The following ROBO2 variants were observed in gnomAD, a reference collection of about 807,000 sequenced individuals.
ROBO2 encodes roundabout guidance receptor 2.
Under a neutral mutation model 160.8 loss-of-function variants are expected in ROBO2, and 53 were observed. The observed-to-expected ratio is 0.33, with a 90% CI of 0.26 to 0.41. The LOEUF (loss-of-function observed/expected upper bound fraction) is 0.41, where lower values mean the gene tolerates loss of function less well. Among genes scored for constraint, ROBO2 ranks in the 10% least tolerant of loss-of-function variants. The pLI is 1.00. For synonymous variants in ROBO2, 664 were observed against 611.7 expected (o/e 1.09, Z -1.26); for missense variants, 1,577 against 1,722.4 (o/e 0.92, Z 1.49).
chr3:76,379,215 C>T (rs1161010421), intron 2 of ROBO2, among the ~76,000 whole-genome samples: 2 of 152,056 alleles, frequency 1.3e-5, no homozygotes, highest in East Asian at 1.9e-4. Context: ...ATATTATAAG[C>T]CACATACTAG....
chr3:76,404,097 A>T (rs1015633590), intron 2 of ROBO2, among the ~76,000 whole-genome samples: 29 of 151,596 alleles, frequency 1.9e-4, no homozygotes, highest in African/African-American at 6.8e-4. Context: ...ACTTCCACAT[A>T]TGCAATGCTT....
intron 2 of ROBO2, among the ~76,000 whole-genome samples, chr3:76,980,062 C>T (rs187619302): frequency 1.1e-3 from 162 of 152,204 alleles, no homozygotes; most frequent in African/African-American, 3.7e-3. Context: ...TACCATACTG[C>T]AGGAAATAAC....
intron 2 of ROBO2, among the ~76,000 whole-genome samples, chr3:77,226,751 G>A (rs2151246489): frequency 6.6e-6 from 1 of 152,098 alleles, no homozygotes; most frequent in East Asian, 1.9e-4. Context: ...GCCTGCAGTT[G>A]GGCAAAATCA....
intron 2 of ROBO2, among the ~76,000 whole-genome samples, chr3:77,463,686 T>C (rs1480268501): frequency 6.6e-6 from 1 of 152,012 alleles, no homozygotes; most frequent in African/African-American, 2.4e-5. Flanking sequence ...GCTCAAGCAA[T>C]CCTCCCACCT....
chr3:77,330,290 G>A (rs2065849223), intron 2 of ROBO2, among the ~76,000 whole-genome samples: 1 of 152,216 alleles, frequency 6.6e-6, no homozygotes, highest in Non-Finnish European at 1.5e-5. Flanking sequence ...GGCTGAAGCA[G>A]GTGGATCACT....
At chr3:76,880,347 A>G (rs1354528388) in intron 2 of ROBO2, among the ~76,000 whole-genome samples, 1 of 152,164 alleles carries the variant, frequency 6.6e-6, no homozygotes. Flanking sequence ...AAATGCATAT[A>G]CATACATATA....
chr3:76,736,174 C>T (rs1434471257), intron 2 of ROBO2, among the ~76,000 whole-genome samples: 1 of 151,338 alleles, frequency 6.6e-6, no homozygotes, highest in African/African-American at 2.4e-5. Context: ...CCCAGCTACT[C>T]GGGAGGCTGA....
At chr3:76,559,302 A>G (rs2108470973) in intron 2 of ROBO2, among the ~76,000 whole-genome samples, 1 of 152,320 alleles carries the variant, frequency 6.6e-6, no homozygotes, top group South Asian at 2.1e-4. Context: ...TTTGGGTTCA[A>G]TATAAGGAAT....
At chr3:76,108,007 A>G (rs901042442) in intron 2 of ROBO2, among the ~76,000 whole-genome samples, 1 of 152,112 alleles carries the variant, frequency 6.6e-6, no homozygotes, top group Admixed American at 6.6e-5. Context: ...AGGATAAATT[A>G]TAATGCATTT....
At chr3:76,945,819 C>T (rs937528553) in intron 2 of ROBO2, among the ~76,000 whole-genome samples, 2 of 152,166 alleles carry the variant, frequency 1.3e-5, no homozygotes, top group Admixed American at 1.3e-4. Flanking sequence ...CATCTCCTAT[C>T]TTTCCTCTGG....
intron 23 of ROBO2, chr3:77,632,448 C>A: frequency 6.6e-7 from 1 of 1,505,100 alleles, no homozygotes; most frequent in South Asian, 1.2e-5. Flanking sequence ...ATATACAACT[C>A]ACTAGACAAC....
At chr3:77,381,662 T>G (rs1376802959) in intron 2 of ROBO2, among the ~76,000 whole-genome samples, 1 of 152,222 alleles carries the variant, frequency 6.6e-6, no homozygotes, top group East Asian at 1.9e-4. Flanking sequence ...TTTAGATATT[T>G]GTGAATGTTT....
intron 2 of ROBO2, among the ~76,000 whole-genome samples, chr3:76,194,016 T>G (rs937527913): frequency 1.3e-5 from 2 of 152,098 alleles, no homozygotes; most frequent in African/African-American, 4.8e-5. Context: ...AATAAGGATT[T>G]GAACTCAGAT....
chr3:76,777,669 A>C (rs1486821344), intron 2 of ROBO2, among the ~76,000 whole-genome samples: 1 of 150,894 alleles, frequency 6.6e-6, no homozygotes, highest in Non-Finnish European at 1.5e-5. Context: ...TGATCTAAAA[A>C]TTGCACGTGC....
At chr3:76,854,227 G>T (rs572229994) in intron 2 of ROBO2, among the ~76,000 whole-genome samples, 1 of 152,040 alleles carries the variant, frequency 6.6e-6, no homozygotes. Context: ...GTAATCCATT[G>T]TATGGATGAA....
chr3:76,870,456 A>G (rs1577149739), intron 2 of ROBO2, among the ~76,000 whole-genome samples: 3 of 152,264 alleles, frequency 2.0e-5, no homozygotes, highest in African/African-American at 7.2e-5. Flanking sequence ...TTATTTAAAA[A>G]CATGTGTTCA....
chr3:76,158,022 A>G (rs1218998333), intron 2 of ROBO2, among the ~76,000 whole-genome samples: 2 of 152,142 alleles, frequency 1.3e-5, no homozygotes. Context: ...AAGTTCTCTC[A>G]ACCAAAATAT....
intron 2 of ROBO2, among the ~76,000 whole-genome samples, chr3:76,165,915 G>C (rs1473206007): frequency 6.6e-6 from 1 of 152,058 alleles, no homozygotes; most frequent in African/African-American, 2.4e-5. Flanking sequence ...GGAATAGTTA[G>C]AACACAATTC....
intron 2 of ROBO2, among the ~76,000 whole-genome samples, chr3:76,035,162 C>G (rs1196044958): frequency 6.7e-6 from 1 of 149,490 alleles, no homozygotes; most frequent in Non-Finnish European, 1.5e-5. Context: ...CTATCTTTTT[C>G]TATGGCTGGA....
Sources: gnomAD v4.1 joint callset for allele counts (sites outside exome capture counted in the v4.1 genomes callset) on GRCh38, gnomAD v4.1.1 for gene constraint, MANE v1.5 for transcripts, NCBI Gene and HGNC (gene_info 2026-07-23, HGNC 2026-07-21) for gene names.